Variants in SPIDR observed in about 807,000 individuals in gnomAD.
The protein encoded by SPIDR is scaffold protein involved in DNA repair.
SPIDR carries 93 observed loss-of-function variants against 104.6 expected under a neutral mutation model. That is an observed-to-expected ratio of 0.89 (90% confidence interval 0.75 to 1.06). The LOEUF (loss-of-function observed/expected upper bound fraction) is 1.06. Ranked by LOEUF, SPIDR falls within the 50% of genes least tolerant of loss-of-function variation. The pLI is 0.00. For synonymous variants in SPIDR, 431 were observed against 416.9 expected (o/e 1.03, Z -0.41); for missense variants, 1,154 against 1,111.2 (o/e 1.04, Z -0.55).
chr8:47,316,736 G>A (rs1554589973), intron 5 of SPIDR, among the ~76,000 whole-genome samples: 2 of 152,160 alleles, frequency 1.3e-5, no homozygotes, highest in African/African-American at 4.8e-5. Context: ...AACTTGCTGG[G>A]TGATAGGAAG....
chr8:47,521,424 G>A lies in SPIDR; in HGVS notation c.1098-74387G>A, dbSNP rs1289201943. ...ACCAGAAACAATACCCAGTCGTTTT[G>A]TTGTGATTTTTTTTTCTTTTTTTTT... On this transcript the variant is annotated intron_variant, in intron 8 of 19. Coordinates refer to ENST00000297423, the MANE Select transcript of SPIDR (RefSeq NM_001080394.4). Among the ~76,000 whole-genome samples, 6 of 150,232 alleles carry A rather than the reference G, an allele frequency of 4.0e-5. No homozygotes were observed. In the East Asian group the frequency reaches 1.2e-3, roughly 30 times the overall value.
chr8:47,441,131 A>AT (rs1164986063), intron 8 of SPIDR, among the ~76,000 whole-genome samples: 1 of 152,080 alleles, frequency 6.6e-6, no homozygotes, highest in Non-Finnish European at 1.5e-5. Flanking sequence ...TTTTTTCGTA[A>AT]TTTTTTATAA....
intron 10 of SPIDR, among the ~76,000 whole-genome samples, chr8:47,616,806 G>T (rs896843337): frequency 6.6e-6 from 1 of 152,132 alleles, no homozygotes; most frequent in African/African-American, 2.4e-5. Context: ...TAATTAAGCA[G>T]TATTGTCACA....
chr8:47,581,327 A>C (rs1280374683), intron 8 of SPIDR, among the ~76,000 whole-genome samples: 1 of 152,152 alleles, frequency 6.6e-6, no homozygotes, highest in African/African-American at 2.4e-5. Context: ...AGTGATTTTA[A>C]CTCATAGTCT....
At chr8:47,286,870 CTGTT>C (rs1349013600) in intron 3 of SPIDR, among the ~76,000 whole-genome samples, 2 of 152,180 alleles carry the variant, frequency 1.3e-5, no homozygotes, top group African/African-American at 4.8e-5. Flanking sequence ...ATATATCTTT[CTGTT>C]TGTTCTTTCA....
intron 16 of SPIDR, among the ~76,000 whole-genome samples, chr8:47,726,205 T>A (rs1041035178): frequency 3.2e-4 from 48 of 152,366 alleles, no homozygotes; most frequent in African/African-American, 1.2e-3. Context: ...AAAATCAAGA[T>A]CTATTATTTT....
At chr8:47,394,348 C>G (rs1383935660) in intron 5 of SPIDR, among the ~76,000 whole-genome samples, 1 of 152,206 alleles carries the variant, frequency 6.6e-6, no homozygotes, top group Non-Finnish European at 1.5e-5. Context: ...TGGCCTCCCC[C>G]ATCCTCACAA....
chr8:47,490,589 A>G (rs2078523546), intron 8 of SPIDR, among the ~76,000 whole-genome samples: 1 of 152,254 alleles, frequency 6.6e-6, no homozygotes. Context: ...AAGACTTGGA[A>G]CCAACCCAAA....
At chr8:47,507,050 A>T (rs1403312516) in intron 8 of SPIDR, among the ~76,000 whole-genome samples, 1 of 152,122 alleles carries the variant, frequency 6.6e-6, no homozygotes, top group Non-Finnish European at 1.5e-5. Flanking sequence ...TATCATGTCC[A>T]CCTGGTTTTT....
chr8:47,537,369 G>A (rs1458811101), intron 8 of SPIDR, among the ~76,000 whole-genome samples: 1 of 152,062 alleles, frequency 6.6e-6, no homozygotes. Context: ...CCACACAATA[G>A]AATATTACTC....
In SPIDR at chr8:47,303,876, C is replaced by T. The variant is rs941015361; in HGVS notation, c.525+9846C>T. Reference sequence around the variant, plus strand: ...ATTTTTAGTAGAGACAGGGTTTCACCGTATTGGCCAGGCTGGTCTTGAACT... The same window carrying T: ...ATTTTTAGTAGAGACAGGGTTTCACTGTATTGGCCAGGCTGGTCTTGAACT... On this transcript the variant is annotated intron_variant, in intron 5 of 19. Coordinates refer to ENST00000297423, the MANE Select transcript of SPIDR (RefSeq NM_001080394.4). 8.5e-5 allele frequency among the ~76,000 whole-genome samples: 13 copies of T among 152,178 alleles called. No homozygotes were observed. The East Asian group carries it at 1.7e-3, about 20-fold the overall frequency.
intron 5 of SPIDR, among the ~76,000 whole-genome samples, chr8:47,354,340 CTTT>C (rs11294456): frequency 2.1e-5 from 3 of 142,876 alleles, no homozygotes; most frequent in African/African-American, 2.5e-5. Context: ...CGTTTGCCAT[CTTT>C]TTTTTTTTTC....
At chr8:47,468,032 G>A (rs112069748) in intron 8 of SPIDR, among the ~76,000 whole-genome samples, 14 of 152,084 alleles carry the variant, frequency 9.2e-5, no homozygotes, top group East Asian at 1.9e-4. Context: ...AAATCAGTGC[G>A]CAAAATTCAC....
At chr8:47,732,387 C>CACATATGCTGGACACATGCGT (rs1375147257) in intron 19 of SPIDR, among the ~76,000 whole-genome samples, 1 of 152,238 alleles carries the variant, frequency 6.6e-6, no homozygotes, top group Non-Finnish European at 1.5e-5. Context: ...GCTGTGTATG[C>CACATATGCTGGACACATGCGT]ACATATGCTG....
rs557614834 is a variant in SPIDR, at chr8:47,550,364, C to A, written c.1098-45447C>A. 2.0e-5 allele frequency among the ~76,000 whole-genome samples: 3 copies of A among 152,234 alleles called. No individual in the cohort carries two copies. The East Asian group carries it at 5.8e-4, about 29-fold the overall frequency. On this transcript the variant is annotated intron_variant, in intron 8 of 19. Coordinates refer to ENST00000297423, the MANE Select transcript of SPIDR (RefSeq NM_001080394.4). ...CTATAAATTACCTTGGGCAGTATGG[C>A]CATTTTCACGATATTGATTCTTCCT...
At chr8:47,486,947 G>A (rs1272711137) in intron 8 of SPIDR, among the ~76,000 whole-genome samples, 2 of 152,104 alleles carry the variant, frequency 1.3e-5, no homozygotes, top group Non-Finnish European at 2.9e-5. Flanking sequence ...ATTAACTAAC[G>A]AGCAAAATAA....
intron 8 of SPIDR, among the ~76,000 whole-genome samples, chr8:47,577,754 G>A (rs746503471): frequency 2.0e-5 from 3 of 152,186 alleles, no homozygotes; most frequent in Non-Finnish European, 2.9e-5. Context: ...TACTCAAAAT[G>A]TGGTTGTGGG....
At chr8:47,268,914 C>G (rs2034659191) in intron 1 of SPIDR, among the ~76,000 whole-genome samples, 1 of 152,188 alleles carries the variant, frequency 6.6e-6, no homozygotes, top group Admixed American at 6.5e-5. Flanking sequence ...CACCAGTAAT[C>G]CCAGCACTTT....
chr8:47,268,298 A>AT (rs1338638698), intron 1 of SPIDR, among the ~76,000 whole-genome samples: 10 of 152,044 alleles, frequency 6.6e-5, no homozygotes, highest in African/African-American at 1.7e-4. Context: ...CTGTTTTGAG[A>AT]TTTTTTTAAC....
Sources: allele counts gnomAD v4.1 joint callset (sites outside exome capture counted in the v4.1 genomes callset), GRCh38; gene constraint gnomAD v4.1.1; transcripts MANE v1.5; gene names NCBI Gene and HGNC (gene_info 2026-07-23, HGNC 2026-07-21).